The following SRPK2 variants were observed in gnomAD, a reference collection of about 807,000 sequenced individuals.
SRPK2 encodes SFRS protein kinase 2.
SRPK2 carries 21 observed loss-of-function variants against 90.8 expected under a neutral mutation model. The ratio of observed to expected loss-of-function variants is 0.23; its 90% CI spans 0.16 to 0.33. SRPK2 has a LOEUF of 0.33. Ranked by LOEUF, SRPK2 falls within the 10% of genes least tolerant of loss-of-function variation. The pLI, the probability that SRPK2 is intolerant of heterozygous loss-of-function variation, is 1.00. For missense variants in SRPK2, 620 were observed against 869.0 expected, an observed-to-expected ratio of 0.71 and a Z score of 3.60; for synonymous variants, 288 against 311.1, an observed-to-expected ratio of 0.93 and a Z score of 0.78.
At chr7:105,164,058 G>C (rs1048019590) in intron 6 of SRPK2, among the ~76,000 whole-genome samples, 1 of 152,110 alleles carries the variant, frequency 6.6e-6, no homozygotes, top group African/African-American at 2.4e-5. Context: ...GACTGTAACA[G>C]GACATAAAAC....
chr7:105,220,294 G>A (rs979758885), intron 2 of SRPK2, among the ~76,000 whole-genome samples: 15 of 151,974 alleles, frequency 9.9e-5, no homozygotes, highest in East Asian at 7.7e-4. Context: ...ACCGGGAGGC[G>A]GAGGCGGGCA....
At chr7:105,292,418 G>C (rs1428635028) in intron 2 of SRPK2, among the ~76,000 whole-genome samples, 2 of 137,402 alleles carry the variant, frequency 1.5e-5, no homozygotes, top group African/African-American at 2.7e-5. Context: ...TGAGGCAAGA[G>C]AATCGCTTAA....
At chr7:105,255,989 A>G (rs554973193) in intron 2 of SRPK2, among the ~76,000 whole-genome samples, 182 of 151,836 alleles carry the variant, frequency 1.2e-3, no homozygotes, top group Non-Finnish European at 2.3e-3. Context: ...GGCTCTTCCT[A>G]TTACATACAG....
rs149355060 is a variant in SRPK2 at position 105,279,540 on chromosome 7, G to C, written c.72-75755C>G. On this transcript the variant is annotated intron_variant, in intron 2 of 15. Coordinates refer to ENST00000393651, the MANE Select transcript of SRPK2 (RefSeq NM_182692.3). The stretch of plus-strand genomic sequence containing the variant: ...AAAAGCCAACAAGCAAGAAGACAGA[G>C]AGGAAGCTCAGACCACCCAGCCTAA... Among the ~76,000 whole-genome samples the C allele has an allele frequency of 2.5e-3, 386 of 152,282 alleles. 4 individuals carry two copies. Among genetic ancestry groups the C allele is most frequent in the South Asian group, 0.018 (86 of 4,826 alleles).
At position 105,365,510 on chromosome 7, in the gene SRPK2, T is replaced by TA. The variant is rs1490581230; in HGVS notation, c.71+23137_71+23138insT. The stretch of plus-strand genomic sequence containing the variant: ...CTCAAAAAAAAAAAAAAAAAAAAAA[T>TA]TATATATATATATATATTTAGGCCA... On this transcript the variant is annotated intron_variant, in intron 2 of 15. Transcript: ENST00000393651. Among the ~76,000 whole-genome samples the TA allele has an allele frequency of 5.8e-3, 675 of 116,324 alleles. 9 individuals carry two copies. The highest frequency in any genetic ancestry group is 0.019 in the African/African-American group (580 of 29,744). The allele number at this position is 116,324 out of a possible 152,430, so 76.3% of individuals were successfully genotyped here. A position where few individuals can be genotyped will look rare whatever the true frequency, so the allele number is the denominator to read the frequency against.
intron 2 of SRPK2, among the ~76,000 whole-genome samples, chr7:105,364,970 C>A (rs554275162): frequency 6.6e-6 from 1 of 152,250 alleles, no homozygotes; most frequent in East Asian, 1.9e-4. Context: ...GACTGGCAGC[C>A]AGTATTTCTC....
intron 15 of SRPK2, among the ~76,000 whole-genome samples, chr7:105,123,047 C>T (rs1037699567): frequency 6.6e-6 from 1 of 152,112 alleles, no homozygotes; most frequent in African/African-American, 2.4e-5. Context: ...GGCTGGAAAG[C>T]TTCTGGGGAC....
At chr7:105,356,532 T>A (rs1310833902) in intron 2 of SRPK2, among the ~76,000 whole-genome samples, 1 of 152,204 alleles carries the variant, frequency 6.6e-6, no homozygotes, top group African/African-American at 2.4e-5. Flanking sequence ...AAATACTTAA[T>A]AAATGTTACT....
intron 2 of SRPK2, among the ~76,000 whole-genome samples, chr7:105,204,425 A>G (rs1399233416): frequency 6.6e-6 from 1 of 152,148 alleles, no homozygotes; most frequent in Non-Finnish European, 1.5e-5. Flanking sequence ...GATTGAGATT[A>G]TTCCCTTTCA....
chr7:105,285,908 CT>C (rs1808040817), intron 2 of SRPK2, among the ~76,000 whole-genome samples: 1 of 152,122 alleles, frequency 6.6e-6, no homozygotes, highest in South Asian at 2.1e-4. Context: ...CAAGAACTGC[CT>C]AATACAAAGT....
chr7:105,367,675 C>T (rs969965194), intron 2 of SRPK2, among the ~76,000 whole-genome samples: 1 of 152,072 alleles, frequency 6.6e-6, no homozygotes, highest in African/African-American at 2.4e-5. Flanking sequence ...TAATTCCATG[C>T]AGTTATGATT....
rs1297052498 is a variant in SRPK2, at chr7:105,298,792, C to CCGCT, written c.71+89852_71+89855dup. The stretch of plus-strand genomic sequence containing the variant: ...GGCCCACTCCAACAGAGCCCACCTC[C>CCGCT]CGCTGTAAGGAGGGCTTCACGCAGC... On this transcript the variant is annotated intron_variant, in intron 2 of 15. Coordinates refer to ENST00000393651, the MANE Select transcript of SRPK2 (RefSeq NM_182692.3). 1.6e-5 allele frequency: 16 copies of CCGCT among 985,554 alleles called. No homozygotes were observed. In the African/African-American group the frequency reaches 2.4e-4, roughly 15 times the overall value. The allele number at this position is 985,554 out of a possible 1,614,324, so 61.1% of individuals were successfully genotyped here.
intron 13 of SRPK2, among the ~76,000 whole-genome samples, chr7:105,128,765 G>A (rs1801565726): frequency 1.3e-5 from 2 of 152,162 alleles, no homozygotes. Flanking sequence ...ACCTCGCTAT[G>A]TTGTCCAGGC....
chr7:105,273,595 A>G (rs1160987692), intron 2 of SRPK2, among the ~76,000 whole-genome samples: 1 of 151,756 alleles, frequency 6.6e-6, no homozygotes, highest in East Asian at 1.9e-4. Context: ...CTAGCTACCC[A>G]ACTCACTTTT....
In SRPK2 at chr7:105,142,242, T is replaced by G. The variant is rs55743527; in HGVS notation, c.1309A>C (p.Thr437Pro). 898 of 1,614,168 alleles carry G rather than the reference T, an allele frequency of 5.6e-4. No individual in the cohort carries two copies. Among genetic ancestry groups the G allele is most frequent in the Non-Finnish European group, 6.3e-4 (740 of 1,180,028 alleles). Residue 437 changes from threonine to proline, a missense_variant, in exon 11 of 16, where the codon ACA becomes CCA. By Grantham distance (38) the Thr-to-Pro change is conservative. Transcript: ENST00000393651. Reference protein sequence around the residue: ...LDEPNAESDYTYSSSYEQFNG... With the variant: ...LDEPNAESDYPYSSSYEQFNG... ...AATTGTTCATAGGAGCTGCTATATG[T>G]GTAATCACTTTCTGCATTTGGCTCA...
chr7:105,141,007 C>G (rs576946188), intron 11 of SRPK2, among the ~76,000 whole-genome samples: 98 of 152,034 alleles, frequency 6.4e-4, no homozygotes, highest in Admixed American at 2.8e-3. Context: ...TGAACTGCAA[C>G]AGCAACAATA....
chr7:105,295,366 A>G (rs1809667225), intron 2 of SRPK2, among the ~76,000 whole-genome samples: 1 of 152,042 alleles, frequency 6.6e-6, no homozygotes, highest in Non-Finnish European at 1.5e-5. Context: ...ATGTAAATTA[A>G]TATTTCATAC....
intron 2 of SRPK2, among the ~76,000 whole-genome samples, chr7:105,257,854 G>A (rs978704870): frequency 6.6e-6 from 1 of 152,160 alleles, no homozygotes; most frequent in East Asian, 1.9e-4. Context: ...GCTCACACCT[G>A]TAAACCCAGC....
chr7:105,184,883 C>T (rs1462294417), intron 3 of SRPK2, among the ~76,000 whole-genome samples: 1 of 152,132 alleles, frequency 6.6e-6, no homozygotes, highest in Non-Finnish European at 1.5e-5. Flanking sequence ...TTTATTGGGA[C>T]TTTATGATAG....
Sources: gnomAD v4.1 joint callset for allele counts (sites outside exome capture counted in the v4.1 genomes callset) on GRCh38, gnomAD v4.1.1 for gene constraint, MANE v1.5 for transcripts, NCBI Gene and HGNC (gene_info 2026-07-23, HGNC 2026-07-21) for gene names.